RBMS3: variants seen among roughly 807,000 people sequenced by gnomAD.
RBMS3 encodes the protein RNA binding motif single stranded interacting protein 3.
In RBMS3, 27 loss-of-function variants were observed where a neutral mutation model predicts 66.8. That is an observed-to-expected ratio of 0.40 (90% CI 0.30 to 0.56). RBMS3 has a LOEUF of 0.56. Among genes scored for constraint, RBMS3 ranks in the 20% least tolerant of loss-of-function variants. The pLI, the probability that RBMS3 is intolerant of heterozygous loss-of-function variation, is 0.40. For synonymous variants in RBMS3, 188 were observed against 183.0 expected (o/e 1.03, Z -0.22); for missense variants, 513 against 549.5 (o/e 0.93, Z 0.66).
chr3:29,543,830 A>G (rs1329681778), intron 3 of RBMS3, among the ~76,000 whole-genome samples: 1 of 152,216 alleles, frequency 6.6e-6, no homozygotes, highest in Non-Finnish European at 1.5e-5. Context: ...TATAAGGTAC[A>G]TCGTTTTTTT....
At chr3:29,614,815 A>G (rs1406083587) in intron 4 of RBMS3, 1 of 152,168 alleles carries the variant, frequency 6.6e-6, no homozygotes, top group African/African-American at 2.4e-5. Context: ...TGTGGATGAG[A>G]CTTGATATAG....
At chr3:29,315,786 A>C (rs1263081297) in intron 1 of RBMS3, among the ~76,000 whole-genome samples, 2 of 151,720 alleles carry the variant, frequency 1.3e-5, no homozygotes, top group Non-Finnish European at 2.9e-5. Context: ...AAATTTTAGG[A>C]GTAGAATTGT....
intron 3 of RBMS3, among the ~76,000 whole-genome samples, chr3:29,533,337 T>G (rs2045434178): frequency 6.6e-6 from 1 of 151,648 alleles, no homozygotes; most frequent in South Asian, 2.1e-4. Context: ...AAAAAATTAG[T>G]GAAGTGTAGT....
intron 1 of RBMS3, among the ~76,000 whole-genome samples, chr3:29,310,591 C>T (rs2125464900): frequency 6.6e-6 from 1 of 151,428 alleles, no homozygotes; most frequent in Non-Finnish European, 1.5e-5. Flanking sequence ...TATATGTGTG[C>T]TAACATTTTA....
At chr3:29,904,479 G>A (rs1381853216) in intron 10 of RBMS3, among the ~76,000 whole-genome samples, 1 of 151,768 alleles carries the variant, frequency 6.6e-6, no homozygotes, top group Non-Finnish European at 1.5e-5. Context: ...ATAAATATGA[G>A]CCATATATAG....
rs116533662 is a variant in RBMS3, at chr3:29,497,563, T to G, written c.307+9064T>G. Among the ~76,000 whole-genome samples the G allele has an allele frequency of 3.5e-3, 540 of 152,250 alleles. 4 individuals are homozygous for G. Among genetic ancestry groups the G allele is most frequent in the Admixed American group, 6.7e-3 (102 of 15,280 alleles). ...CCTACCTCTAGTAGTCTATGTAAAT[T>G]ATTGCTTCCAAAAGTCACCTTCTCA... is the stretch of plus-strand genomic sequence containing the variant. On this transcript the variant is annotated intron_variant, in intron 3 of 14. Transcript: ENST00000383767.
chr3:29,544,567 G>C (rs1312524432), intron 3 of RBMS3, among the ~76,000 whole-genome samples: 1 of 152,034 alleles, frequency 6.6e-6, no homozygotes, highest in East Asian at 1.9e-4. Flanking sequence ...GGATTTCAGT[G>C]ATCTGCCTGT....
At chr3:29,806,576 G>T (rs147482019) in intron 6 of RBMS3, among the ~76,000 whole-genome samples, 1 of 151,858 alleles carries the variant, frequency 6.6e-6, no homozygotes, top group Non-Finnish European at 1.5e-5. Flanking sequence ...ACTCAAAGAC[G>T]AGCACAGAGT....
chr3:29,776,768 G>C (rs2056440774), intron 6 of RBMS3, among the ~76,000 whole-genome samples: 1 of 151,882 alleles, frequency 6.6e-6, no homozygotes, highest in African/African-American at 2.4e-5. Context: ...TCTGGTACAT[G>C]GGGTATATAA....
intron 4 of RBMS3, among the ~76,000 whole-genome samples, chr3:29,703,449 AAGG>A (rs1018489912): frequency 5.3e-5 from 8 of 152,220 alleles, no homozygotes; most frequent in African/African-American, 1.9e-4. Flanking sequence ...AATGCTATTT[AAGG>A]AGAACATCTG....
chr3:29,404,555 CA>C, intron 1 of RBMS3, among the ~76,000 whole-genome samples: 1 of 152,166 alleles, frequency 6.6e-6, no homozygotes, highest in Non-Finnish European at 1.5e-5. Context: ...CCCTTAATTG[CA>C]ACACTATTTT....
At chr3:29,709,700 C>T (rs1023163267) in intron 4 of RBMS3, among the ~76,000 whole-genome samples, 4 of 152,044 alleles carry the variant, frequency 2.6e-5, no homozygotes, top group Non-Finnish European at 2.9e-5. Context: ...TGTTTGTCCC[C>T]GAAGTACATT....
At chr3:29,664,430 G>A (rs1010947157) in intron 4 of RBMS3, among the ~76,000 whole-genome samples, 6 of 152,124 alleles carry the variant, frequency 3.9e-5, no homozygotes, top group African/African-American at 1.2e-4. Context: ...AAAGGTTGCA[G>A]TGAGCCGAGA....
At chr3:29,654,913 A>G (rs557251000) in intron 4 of RBMS3, among the ~76,000 whole-genome samples, 2 of 152,072 alleles carry the variant, frequency 1.3e-5, no homozygotes, top group Admixed American at 6.6e-5. Context: ...ATTAACAACT[A>G]TTTTTAAAGG....
intron 12 of RBMS3, among the ~76,000 whole-genome samples, chr3:29,978,496 A>T (rs1449344998): frequency 6.6e-6 from 1 of 152,158 alleles, no homozygotes; most frequent in Non-Finnish European, 1.5e-5. Context: ...ATACACACAC[A>T]TACAACACAT....
chr3:29,305,785 A>G (rs1252466747), intron 1 of RBMS3, among the ~76,000 whole-genome samples: 1 of 152,000 alleles, frequency 6.6e-6, no homozygotes, highest in African/African-American at 2.4e-5. Flanking sequence ...AATTGAACTG[A>G]TGATACTTAT....
chr3:29,482,180 ACT>A (rs1362502746), intron 2 of RBMS3, among the ~76,000 whole-genome samples: 1 of 152,072 alleles, frequency 6.6e-6, no homozygotes, highest in African/African-American at 2.4e-5. Context: ...GAGGTTTCTG[ACT>A]CTATTGGTAT....
At chr3:29,822,378 T>G (rs2058096670) in intron 6 of RBMS3, among the ~76,000 whole-genome samples, 1 of 152,180 alleles carries the variant, frequency 6.6e-6, no homozygotes, top group Non-Finnish European at 1.5e-5. Context: ...GCTTTGGAAT[T>G]TAAAAGTAAA....
At chr3:29,592,127 C>G (rs1344810351) in intron 4 of RBMS3, among the ~76,000 whole-genome samples, 1 of 151,496 alleles carries the variant, frequency 6.6e-6, no homozygotes, top group African/African-American at 2.4e-5. Context: ...TTTTACTTGA[C>G]ATATAAAAAG....
Sources: allele counts gnomAD v4.1 joint callset (sites outside exome capture counted in the v4.1 genomes callset), GRCh38; gene constraint gnomAD v4.1.1; transcripts MANE v1.5; gene names NCBI Gene and HGNC (gene_info 2026-07-23, HGNC 2026-07-21).